FAT4: variants seen among roughly 807,000 people sequenced by gnomAD.
FAT4 encodes the protein FAT atypical cadherin 4, also known as protocadherin Fat 4.
FAT4 carries 84 observed loss-of-function variants against 303.9 expected under a neutral mutation model. That is an observed-to-expected ratio of 0.28 (90% confidence interval 0.23 to 0.33). FAT4 has a LOEUF of 0.33. Among genes scored for constraint, FAT4 ranks in the 10% least tolerant of loss-of-function variants. The probability of loss-of-function intolerance (pLI) is 1.00; values close to 1 mark genes in which losing one functional copy is unlikely to be tolerated. For synonymous variants in FAT4, 2,307 were observed against 2,298.8 expected (o/e 1.00, Z -0.10); for missense variants, 6,005 against 6,146.8 (o/e 0.98, Z 0.77).
At chr4:125,358,909 C>CCTATATTG (rs1732540549) in intron 2 of FAT4, among the ~76,000 whole-genome samples, 1 of 152,100 alleles carries the variant, frequency 6.6e-6, no homozygotes, top group South Asian at 2.1e-4. Context: ...TGTACTTTTA[C>CCTATATTG]TAGGACCTAT....
Position 125,319,726 on chromosome 4 carries a change from C to T in FAT4, c.3315C>T (p.Tyr1105=), listed in dbSNP as rs374329069. 31 of 1,614,128 alleles carry T rather than the reference C, an allele frequency of 1.9e-5. No individual in the cohort carries two copies. The Middle Eastern group carries it at 6.6e-4, about 34-fold the overall frequency. The change falls in exon 2 of 18, where the codon TAC becomes TAT. Residue 1105 remains tyrosine (Y), a synonymous_variant. Transcript: ENST00000394329. ...DNRPLFNSTN[Y]TFYFEEEQRA... ...GACCTCTTTTTAACAGTACCAATTA[C>T]ACATTTTACTTCGAAGAAGAGCAGA... is the stretch of plus-strand genomic sequence containing the variant.
chr4:125,438,810 C>CAGT (rs1725546806), intron 8 of FAT4, among the ~76,000 whole-genome samples: 1 of 152,048 alleles, frequency 6.6e-6, no homozygotes, highest in African/African-American at 2.4e-5. Flanking sequence ...TTCATGGTAT[C>CAGT]CTGAAGAAAA....
At chr4:125,337,027 T>G (rs926266808) in intron 2 of FAT4, among the ~76,000 whole-genome samples, 1 of 152,028 alleles carries the variant, frequency 6.6e-6, no homozygotes, top group Admixed American at 6.5e-5. Flanking sequence ...TATATTGTTT[T>G]GTGGTAGAGC....
chr4:125,417,136 G>A (rs1189008315), intron 7 of FAT4, among the ~76,000 whole-genome samples: 1 of 152,028 alleles, frequency 6.6e-6, no homozygotes, highest in Non-Finnish European at 1.5e-5. Context: ...TAAGGACATC[G>A]CCACCTAAGC....
Position 125,316,320 on chromosome 4 carries a change from T to A in FAT4, c.-12-80T>A. 1 of 1,483,344 alleles carries A rather than the reference T, an allele frequency of 6.7e-7. No homozygotes were observed. The highest frequency in any genetic ancestry group is 9.0e-7 in the Non-Finnish European group (1 of 1,114,670). The allele number at this position is 1,483,344 out of a possible 1,614,324, so 91.9% of individuals were successfully genotyped here. ...GTCTCAGACCAAGCCGTCAGCTGAA[T>A]CTTTGCTGGCGCTCCTTAATCCCTG... is the stretch of plus-strand genomic sequence containing the variant. On this transcript the variant is annotated intron_variant, in intron 1 of 17. Transcript: ENST00000394329. The surrounding 1 kb of genome is among the most constrained non-coding windows in gnomAD (Gnocchi z 5.7).
At chr4:125,383,239 G>T (rs889154095) in intron 2 of FAT4, among the ~76,000 whole-genome samples, 1 of 152,100 alleles carries the variant, frequency 6.6e-6, no homozygotes, top group Non-Finnish European at 1.5e-5. Flanking sequence ...ATTATTTATA[G>T]CTTTTGATTT....
intron 8 of FAT4, among the ~76,000 whole-genome samples, chr4:125,445,263 T>TA (rs1483276577): frequency 6.6e-6 from 1 of 152,096 alleles, no homozygotes; most frequent in Non-Finnish European, 1.5e-5. Context: ...TAAAGTAGGA[T>TA]AAAAAATGCT....
In FAT4 at chr4:125,320,953, C is replaced by T. The variant is rs199793434; in HGVS notation, c.4542C>T (p.Asn1514=). Residue 1514 remains asparagine, a synonymous_variant, in exon 2 of 18, where the codon AAC becomes AAT. Coordinates refer to ENST00000394329, the MANE Select transcript of FAT4 (RefSeq NM_001291303.3). ...PIETRRYALK[N]VTILVTDLND... is the part of the protein sequence containing the mutation. ...AAACTAGACGGTATGCTTTGAAGAACGTGACCATTTTGGTTACAGACCTCA... is the reference window on the plus strand; with the variant it reads ...AAACTAGACGGTATGCTTTGAAGAATGTGACCATTTTGGTTACAGACCTCA... 37 of 1,614,206 alleles carry T rather than the reference C, an allele frequency of 2.3e-5. No individual in the cohort carries two copies. The East Asian group carries it at 2.5e-4, about 11-fold the overall frequency.
chr4:125,437,963 G>C (rs1330116077), intron 8 of FAT4, among the ~76,000 whole-genome samples: 1 of 152,174 alleles, frequency 6.6e-6, no homozygotes, highest in African/African-American at 2.4e-5. Flanking sequence ...CTCAATAAAT[G>C]TCAACCCATA....
At chr4:125,389,842 C>T (rs1465431517) in intron 2 of FAT4, among the ~76,000 whole-genome samples, 1 of 152,152 alleles carries the variant, frequency 6.6e-6, no homozygotes, top group Non-Finnish European at 1.5e-5. Context: ...GCCTTGCATA[C>T]CTACATAGTC....
chr4:125,398,795 A>G lies in FAT4; in HGVS notation c.5187A>G (p.Thr1729=), dbSNP rs755977443. The G allele has an allele frequency of 6.2e-7, 1 of 1,613,000 alleles. No individual in the cohort carries two copies. Among genetic ancestry groups the G allele is most frequent in the Non-Finnish European group, 8.5e-7 (1 of 1,179,222 alleles). ...CTTTTTCTTTGTAGGTAGAAATAAC[A>G]CTTCAGGATATCAATGACAATCCAC... ...PRTQRAEVEI[T]LQDINDNPPV... Residue 1729 remains threonine, a synonymous_variant, in exon 3 of 18, where the codon ACA becomes ACG. Coordinates refer to ENST00000394329, the MANE Select transcript of FAT4 (RefSeq NM_001291303.3).
Position 125,491,275 on chromosome 4 carries a change from A to G in FAT4, c.14459A>G (p.Asp4820Gly). 1 of 1,614,160 alleles carries G rather than the reference A, an allele frequency of 6.2e-7. No homozygotes were observed. Among genetic ancestry groups the G allele is most frequent in the Non-Finnish European group, 8.5e-7 (1 of 1,180,038 alleles). ...CATGGGAGGTCTTCTTCAGAGGAGG[A>G]CTGCAGAAGGCCACTGTCTAGAACA... ...ADHGRSSSEE[D>G]CRRPLSRTRN... Residue 4820 changes from aspartate to glycine, a missense_variant, in exon 18 of 18, where the codon GAC becomes GGC. Asp to Gly is a moderately conservative substitution (Grantham distance 94). Coordinates refer to ENST00000394329, the MANE Select transcript of FAT4 (RefSeq NM_001291303.3).
intron 2 of FAT4, among the ~76,000 whole-genome samples, chr4:125,392,243 T>C (rs1050189389): frequency 6.6e-6 from 1 of 152,140 alleles, no homozygotes; most frequent in Non-Finnish European, 1.5e-5. Context: ...CTAAACATTA[T>C]TTTTAGTGCA....
chr4:125,439,363 C>T (rs1161526388), intron 8 of FAT4, among the ~76,000 whole-genome samples: 3 of 148,916 alleles, frequency 2.0e-5, no homozygotes, highest in African/African-American at 7.4e-5. Context: ...GATGGAGTCT[C>T]GCTCTGTCAC....
In FAT4 at chr4:125,434,409, A is replaced by G. The variant is rs1311800740; in HGVS notation, c.7183A>G (p.Lys2395Glu). 4 of 1,614,034 alleles carry G rather than the reference A, an allele frequency of 2.5e-6. No homozygotes were observed. Among genetic ancestry groups the G allele is most frequent in the Non-Finnish European group, 2.5e-6 (3 of 1,179,958 alleles). Residue 2395 changes from lysine to glutamate, a missense_variant, in exon 8 of 18, where the codon AAG becomes GAG. Lys to Glu is a moderately conservative substitution (Grantham distance 56, BLOSUM62 1). Transcript: ENST00000394329. Reference sequence around the variant, plus strand: ...AAATGCCTCAGATGCTGATGCTTCAAAGAATGCAGTTATAAGGTCAGTACA... The same window carrying G: ...AAATGCCTCAGATGCTGATGCTTCAGAGAATGCAGTTATAAGGTCAGTACA... Reference protein sequence around the residue: ...LVNASDADASKNAVISYRIIG... With the variant: ...LVNASDADASENAVISYRIIG...
In FAT4 at chr4:125,319,905, C is replaced by G. The variant is rs1211128718; in HGVS notation, c.3494C>G (p.Ser1165Cys). 6.2e-7 allele frequency: 1 copy of G among 1,614,092 alleles called. No homozygotes were observed. Among genetic ancestry groups the G allele is most frequent in the South Asian group, 1.1e-5 (1 of 91,086 alleles). Residue 1165 changes from serine (S) to cysteine (C), a missense_variant, in exon 2 of 18, where the codon TCT (serine) becomes TGT (cysteine). By Grantham distance (112) the Ser-to-Cys change is moderately radical. Transcript: ENST00000394329. ...ITNTHQFDRE[S>C]LMRRRGTAVF... Reference sequence around the variant, plus strand: ...AATACTCATCAGTTTGACAGGGAGTCTCTTATGAGGCGGAGAGGGACTGCT... The same window carrying G: ...AATACTCATCAGTTTGACAGGGAGTGTCTTATGAGGCGGAGAGGGACTGCT...
At chr4:125,409,505 C>T (rs1195669332) in intron 5 of FAT4, among the ~76,000 whole-genome samples, 2 of 152,196 alleles carry the variant, frequency 1.3e-5, no homozygotes, top group East Asian at 3.9e-4. Flanking sequence ...ACCCGCCTGC[C>T]TTGGCCTCCC....
chr4:125,399,361 T>C (rs1734297664), intron 3 of FAT4, among the ~76,000 whole-genome samples: 1 of 152,058 alleles, frequency 6.6e-6, no homozygotes, highest in Non-Finnish European at 1.5e-5. Flanking sequence ...AGTTCAGCTA[T>C]GTAATTATTA....
intron 2 of FAT4, among the ~76,000 whole-genome samples, chr4:125,366,682 T>C (rs1277034105): frequency 6.6e-6 from 1 of 152,180 alleles, no homozygotes; most frequent in Non-Finnish European, 1.5e-5. Flanking sequence ...CACACTGTCT[T>C]TCACAATGGT....
Sources: allele counts gnomAD v4.1 joint callset (sites outside exome capture counted in the v4.1 genomes callset), GRCh38; gene constraint gnomAD v4.1.1; non-coding constraint Gnocchi (gnomAD v3.1); transcripts MANE v1.5; gene names NCBI Gene and HGNC (gene_info 2026-07-23, HGNC 2026-07-21).